MCF2L2: variants seen among roughly 807,000 people sequenced by gnomAD.
The protein encoded by MCF2L2 is MCF.2 cell line derived transforming sequence-like 2.
A neutral mutation model predicts 150.2 loss-of-function variants in MCF2L2; 102 were observed. The observed-to-expected ratio is 0.68, with a 90% confidence interval of 0.58 to 0.80. The LOEUF is 0.80. Ranked by LOEUF, MCF2L2 falls within the 30% of genes least tolerant of loss-of-function variation. The pLI is 0.00. For missense variants in MCF2L2, 1,256 were observed against 1,372.8 expected (o/e 0.91, Z 1.34); for synonymous variants, 465 against 491.3 (o/e 0.95, Z 0.71).
At chr3:183,338,462 A>G (rs1357092839) in intron 5 of MCF2L2, among the ~76,000 whole-genome samples, 3 of 151,426 alleles carry the variant, frequency 2.0e-5, no homozygotes, top group African/African-American at 2.4e-5. Context: ...AAAAAAAAAA[A>G]AAAGAAAAAG....
intron 22 of MCF2L2, among the ~76,000 whole-genome samples, chr3:183,214,699 A>G (rs1212927485): frequency 6.6e-6 from 1 of 152,002 alleles, no homozygotes; most frequent in African/African-American, 2.4e-5. Flanking sequence ...GATGTAAGAA[A>G]AACTTGGCCG....
intron 1 of MCF2L2, among the ~76,000 whole-genome samples, chr3:183,427,663 G>T (rs1716236137): frequency 6.6e-6 from 1 of 152,018 alleles, no homozygotes; most frequent in Non-Finnish European, 1.5e-5. Flanking sequence ...AACGGACTCG[G>T]CAACCACCTG....
rs1211879368 is a variant in MCF2L2, at chr3:183,181,616, G to A, written c.3017-1457C>T. On this transcript the variant is annotated intron_variant, in intron 27 of 29. Transcript: ENST00000328913. This position sits in a 1 kb window ranked among gnomAD's most constrained non-coding sequence, Gnocchi z 4.3. ...TCCCCTTATGCCAGGAGCAAGCAGT[G>A]AGAATGGAAGAATGATTGTCTTGCT... is the stretch of plus-strand genomic sequence containing the variant. Among the ~76,000 whole-genome samples the A allele has an allele frequency of 6.6e-6, 1 of 152,170 alleles. No individual in the cohort carries two copies. The highest frequency in any genetic ancestry group is 1.5e-5 in the Non-Finnish European group (1 of 68,030).
At chr3:183,248,854 T>TA (rs753039393) in intron 15 of MCF2L2, among the ~76,000 whole-genome samples, 2 of 152,128 alleles carry the variant, frequency 1.3e-5, no homozygotes, top group East Asian at 3.9e-4. Flanking sequence ...TGTATATTTT[T>TA]AAAAAAAGAA....
At chr3:183,326,773 A>C (rs1730061492) in intron 5 of MCF2L2, among the ~76,000 whole-genome samples, 1 of 152,096 alleles carries the variant, frequency 6.6e-6, no homozygotes. Flanking sequence ...CAGTACAAGC[A>C]AGATGCAAAA....
At chr3:183,274,800 T>C (rs572818745) in intron 15 of MCF2L2, among the ~76,000 whole-genome samples, 14 of 152,344 alleles carry the variant, frequency 9.2e-5, no homozygotes, top group African/African-American at 3.4e-4. Context: ...TTCCGATCAC[T>C]TCCGCATTCT....
At chr3:183,357,707 A>G (rs1711872214) in intron 3 of MCF2L2, among the ~76,000 whole-genome samples, 1 of 152,220 alleles carries the variant, frequency 6.6e-6, no homozygotes, top group Non-Finnish European at 1.5e-5. Context: ...ATGAAGGGTA[A>G]TAAAATGGCA....
At chr3:183,307,874 T>C (rs1280818804) in intron 10 of MCF2L2, among the ~76,000 whole-genome samples, 4 of 152,360 alleles carry the variant, frequency 2.6e-5, no homozygotes, top group South Asian at 2.1e-4. Flanking sequence ...GCTCTAGCAA[T>C]GTTCCTTGAA....
At chr3:183,393,838 G>A (rs1314538437) in intron 1 of MCF2L2, among the ~76,000 whole-genome samples, 1 of 152,228 alleles carries the variant, frequency 6.6e-6, no homozygotes, top group Admixed American at 6.5e-5. Flanking sequence ...GCTAATGACT[G>A]GAGCCATCCT....
At chr3:183,298,765 G>GCGCGCACGCGCGCGCGCGCGCA in intron 11 of MCF2L2, 1 of 138,500 alleles carries the variant, frequency 7.2e-6, no homozygotes, top group African/African-American at 2.9e-5. Context: ...AAACACACAT[G>GCGCGCACGCGCGCGCGCGCGCA]CACACACACA....
chr3:183,402,794 T>C (rs2108613473), intron 1 of MCF2L2, among the ~76,000 whole-genome samples: 2 of 151,896 alleles, frequency 1.3e-5, no homozygotes, highest in Non-Finnish European at 2.9e-5. Context: ...GAGTGAGGCA[T>C]TGCCAATCAA....
chr3:183,216,600 T>A lies in MCF2L2; in HGVS notation c.2371-506A>T, dbSNP rs1338891604. ...TATATATTTTTTTTTTTTTTTTTTT[T>A]TTTTTTTTTTTTTTTTGAGAGCGAG... is the stretch of plus-strand genomic sequence containing the variant. On this transcript the variant is annotated intron_variant, in intron 21 of 29. Transcript: ENST00000328913. Among the ~76,000 whole-genome samples the A allele has an allele frequency of 2.8e-4, 8 of 28,850 alleles. 1 individual carries two copies. Among genetic ancestry groups the A allele is most frequent in the East Asian group, 3.6e-3 (2 of 558 alleles). The allele number at this position is 28,850 out of a possible 152,430, so 18.9% of individuals were successfully genotyped here.
intron 15 of MCF2L2, among the ~76,000 whole-genome samples, chr3:183,231,923 A>G (rs779473776): frequency 5.9e-5 from 9 of 152,208 alleles, no homozygotes; most frequent in Non-Finnish European, 1.3e-4. Context: ...TGTGGTGGAC[A>G]GAATTTAAGA....
intron 18 of MCF2L2, 174 bp downstream of exon 18, chr3:183,228,123 G>A (rs1723416522): frequency 1.7e-6 from 1 of 578,860 alleles, no homozygotes; most frequent in Non-Finnish European, 3.1e-6. Context: ...CCATCATGTT[G>A]TATAGTTTGA....
chr3:183,254,631 C>T (rs993596505), intron 15 of MCF2L2: 1 of 152,158 alleles, frequency 6.6e-6, no homozygotes, highest in Non-Finnish European at 1.5e-5. Flanking sequence ...AGGCGAACGC[C>T]GCGCCCACCA....
chr3:183,219,746 A>C, intron 21 of MCF2L2, 110 bp downstream of exon 21: 1 of 702,686 alleles, frequency 1.4e-6, no homozygotes, highest in Non-Finnish European at 2.4e-6. Flanking sequence ...ACTATTTTAG[A>C]AAATCTAGAT....
intron 18 of MCF2L2, chr3:183,225,467 A>G (rs554915849): frequency 1.3e-5 from 2 of 152,384 alleles, no homozygotes; most frequent in South Asian, 2.1e-4. Context: ...AAAGTGCCCA[A>G]TTCTCCTAAT....
chr3:183,344,954 T>A (rs940055830), intron 3 of MCF2L2, among the ~76,000 whole-genome samples: 12 of 152,144 alleles, frequency 7.9e-5, no homozygotes, highest in African/African-American at 2.9e-4. Context: ...CAAAGAGACT[T>A]AGACTCCCAC....
chr3:183,214,879 C>G (rs1722858748), intron 22 of MCF2L2, among the ~76,000 whole-genome samples: 2 of 151,848 alleles, frequency 1.3e-5, no homozygotes, highest in African/African-American at 2.4e-5. Flanking sequence ...CCTGTAGTCC[C>G]AGCTACTCAG....
Sources: gnomAD v4.1 joint callset for allele counts (sites outside exome capture counted in the v4.1 genomes callset) on GRCh38, gnomAD v4.1.1 for gene constraint, Gnocchi (gnomAD v3.1) non-coding constraint, MANE v1.5 for transcripts, NCBI Gene and HGNC (gene_info 2026-07-23, HGNC 2026-07-21) for gene names.